GALNTL6: variants seen among roughly 807,000 people sequenced by gnomAD.
GALNTL6 encodes the protein polypeptide N-acetylgalactosaminyltransferase-like 6.
A neutral mutation model predicts 73.7 loss-of-function variants in GALNTL6; 46 were observed. The ratio of observed to expected loss-of-function variants is 0.62; its 90% CI spans 0.49 to 0.80. The LOEUF is 0.80. GALNTL6 is among the 30% of genes least tolerant of loss of function. GALNTL6 has a pLI of 0.00. For missense variants in GALNTL6, 604 were observed against 755.0 expected (o/e 0.80, Z 2.34); for synonymous variants, 259 against 263.7 (o/e 0.98, Z 0.17).
intron 6 of GALNTL6, among the ~76,000 whole-genome samples, chr4:172,812,439 C>T (rs929219025): frequency 1.3e-5 from 2 of 152,182 alleles, no homozygotes; most frequent in Non-Finnish European, 2.9e-5. Flanking sequence ...CATTAGACAG[C>T]ATTGGTCTCT....
chr4:172,645,464 A>G (rs1319614859), intron 5 of GALNTL6, among the ~76,000 whole-genome samples: 1 of 151,892 alleles, frequency 6.6e-6, no homozygotes, highest in Non-Finnish European at 1.5e-5. Flanking sequence ...ATGCCCCACC[A>G]AGTTGCAGTG....
At chr4:171,978,360 T>A (rs1739783971) in intron 2 of GALNTL6, among the ~76,000 whole-genome samples, 1 of 152,146 alleles carries the variant, frequency 6.6e-6, no homozygotes, top group Non-Finnish European at 1.5e-5. Flanking sequence ...CTTTTGTGGC[T>A]CTTCTCCAAG....
chr4:171,901,936 T>A (rs1030205267), intron 2 of GALNTL6, among the ~76,000 whole-genome samples: 4 of 152,096 alleles, frequency 2.6e-5, no homozygotes, highest in African/African-American at 4.8e-5. Flanking sequence ...TCCAGATAAA[T>A]AACTGGATTT....
In GALNTL6 at chr4:172,285,000, A is replaced by G. The variant is rs79430400; in HGVS notation, c.248-26614A>G. Among the ~76,000 whole-genome samples the G allele has an allele frequency of 3.9e-3, 594 of 152,314 alleles. 6 individuals carry two copies. Among genetic ancestry groups the G allele is most frequent in the East Asian group, 0.032 (165 of 5,182 alleles). On this transcript the variant is annotated intron_variant, in intron 3 of 12. Coordinates refer to ENST00000506823, the MANE Select transcript of GALNTL6 (RefSeq NM_001034845.3). ...TGAAAAATGATATTGGTATTTTAAT[A>G]GGGATTGCAGTAGATCTGAAATTGC... is the stretch of plus-strand genomic sequence containing the variant.
intron 5 of GALNTL6, among the ~76,000 whole-genome samples, chr4:172,563,288 A>T (rs568241452): frequency 6.6e-6 from 1 of 152,190 alleles, no homozygotes; most frequent in South Asian, 2.1e-4. Context: ...CCAGGATTAA[A>T]CACCCTAGGA....
At chr4:172,136,585 T>C (rs1269532670) in intron 2 of GALNTL6, among the ~76,000 whole-genome samples, 2 of 152,054 alleles carry the variant, frequency 1.3e-5, no homozygotes, top group East Asian at 3.8e-4. Flanking sequence ...TTTCCCCACG[T>C]TGCAGCTTGA....
At chr4:172,869,829 A>G (rs955433534) in intron 7 of GALNTL6, among the ~76,000 whole-genome samples, 9 of 152,182 alleles carry the variant, frequency 5.9e-5, no homozygotes, top group Non-Finnish European at 8.8e-5. Flanking sequence ...AAATGGAGCA[A>G]TCAACCCATG....
At chr4:172,373,661 C>A (rs1022345988) in intron 5 of GALNTL6, among the ~76,000 whole-genome samples, 3 of 152,118 alleles carry the variant, frequency 2.0e-5, no homozygotes, top group Admixed American at 6.5e-5. Flanking sequence ...TAGGGGACAA[C>A]AAATGGGTAA....
intron 5 of GALNTL6, among the ~76,000 whole-genome samples, chr4:172,518,112 G>T (rs1277985375): frequency 1.3e-5 from 2 of 151,578 alleles, no homozygotes; most frequent in African/African-American, 2.4e-5. Flanking sequence ...AAATTATAAA[G>T]TTAGAGTCAC....
intron 8 of GALNTL6, among the ~76,000 whole-genome samples, chr4:172,928,345 C>T (rs548201772): frequency 7.3e-4 from 111 of 152,302 alleles, no homozygotes; most frequent in African/African-American, 2.6e-3. Flanking sequence ...AGCTACTTAG[C>T]ATCTCTAGGC....
intron 2 of GALNTL6, among the ~76,000 whole-genome samples, chr4:172,051,135 G>A (rs1184325917): frequency 6.6e-6 from 1 of 152,132 alleles, no homozygotes; most frequent in Non-Finnish European, 1.5e-5. Context: ...TGTGACAGGG[G>A]TGTGGCTTGT....
At chr4:172,886,966 T>C (rs1270771723) in intron 8 of GALNTL6, among the ~76,000 whole-genome samples, 1 of 152,188 alleles carries the variant, frequency 6.6e-6, no homozygotes, top group African/African-American at 2.4e-5. Context: ...GGTAGTTCTT[T>C]AGCCATTGAC....
chr4:171,845,826 T>C (rs570109548), intron 2 of GALNTL6, among the ~76,000 whole-genome samples: 1 of 152,352 alleles, frequency 6.6e-6, no homozygotes, highest in South Asian at 2.1e-4. Context: ...TGAGGTTTCT[T>C]TGTGACAACA....
chr4:171,922,209 T>C (rs1218474014), intron 2 of GALNTL6, among the ~76,000 whole-genome samples: 2 of 152,060 alleles, frequency 1.3e-5, no homozygotes, highest in East Asian at 1.9e-4. Flanking sequence ...ATGATGACTT[T>C]AAGAAATTCC....
intron 5 of GALNTL6, among the ~76,000 whole-genome samples, chr4:172,697,927 T>G (rs1402257446): frequency 1.3e-5 from 2 of 152,096 alleles, no homozygotes; most frequent in Non-Finnish European, 2.9e-5. Context: ...AGCACCTGGA[T>G]CAAAACCCCC....
At chr4:171,825,379 G>C (rs996246807) in intron 2 of GALNTL6, among the ~76,000 whole-genome samples, 2 of 152,032 alleles carry the variant, frequency 1.3e-5, no homozygotes, top group Non-Finnish European at 2.9e-5. Flanking sequence ...TTAAGTGATG[G>C]GGGAAAATAA....
At chr4:172,901,581 A>G (rs985220797) in intron 8 of GALNTL6, among the ~76,000 whole-genome samples, 8 of 152,278 alleles carry the variant, frequency 5.3e-5, no homozygotes, top group Admixed American at 2.6e-4. Context: ...AAGACTTACA[A>G]ATGGTCATTA....
At chr4:171,844,484 C>A (rs1214237368) in intron 2 of GALNTL6, among the ~76,000 whole-genome samples, 1 of 151,834 alleles carries the variant, frequency 6.6e-6, no homozygotes, top group Non-Finnish European at 1.5e-5. Context: ...GACATTCAAT[C>A]TCATCTTCCT....
intron 10 of GALNTL6, among the ~76,000 whole-genome samples, chr4:173,004,379 G>A (rs1469364712): frequency 1.3e-5 from 2 of 152,206 alleles, no homozygotes; most frequent in African/African-American, 4.8e-5. Flanking sequence ...TATAATCCCA[G>A]CACTTTGAGA....
Sources: gnomAD v4.1 joint callset for allele counts (sites outside exome capture counted in the v4.1 genomes callset) on GRCh38, gnomAD v4.1.1 for gene constraint, MANE v1.5 for transcripts, NCBI Gene and HGNC (gene_info 2026-07-23, HGNC 2026-07-21) for gene names.